The following PDE1A variants were observed in gnomAD, a reference collection of about 807,000 sequenced individuals.
The protein encoded by PDE1A is phosphodiesterase 1A, also known as dual specificity calcium/calmodulin-dependent 3',5'-cyclic nucleotide phosphodiesterase 1A.
PDE1A carries 35 observed loss-of-function variants against 61.7 expected under a neutral mutation model. The observed-to-expected ratio is 0.57, with a 90% CI of 0.43 to 0.75. PDE1A has a LOEUF of 0.75. PDE1A is among the 30% of genes least tolerant of loss of function. The pLI, the probability that PDE1A is intolerant of heterozygous loss-of-function variation, is 0.00. For synonymous variants in PDE1A, 232 were observed against 213.2 expected (o/e 1.09, Z -0.77); for missense variants, 597 against 630.6 (o/e 0.95, Z 0.57).
chr2:182,183,294 TCAAC>T (rs1427077963), intron 13 of PDE1A, among the ~76,000 whole-genome samples: 2 of 152,178 alleles, frequency 1.3e-5, no homozygotes, highest in Admixed American at 1.3e-4. Context: ...ACTCTGGAAA[TCAAC>T]CAAAGGGACA....
At chr2:182,586,164 A>G in the PDE1A span, among the ~76,000 whole-genome samples, 1 of 152,218 alleles carries the variant, frequency 6.6e-6, no homozygotes, top group Non-Finnish European at 1.5e-5. Flanking sequence ...TAAATAATCT[A>G]TAATATTCAA....
At chr2:182,623,830 T>C in the PDE1A span, among the ~76,000 whole-genome samples, 1 of 152,016 alleles carries the variant, frequency 6.6e-6, no homozygotes, top group Admixed American at 6.6e-5. Context: ...ACAAACCCTT[T>C]AGATAAGAAG....
chr2:182,609,324 C>T, the PDE1A span, among the ~76,000 whole-genome samples: 899 of 152,310 alleles, frequency 5.9e-3, 12 homozygotes, highest in Middle Eastern at 0.014. Context: ...GCAGGATGTG[C>T]GTGGCACCAG....
intron 2 of PDE1A, among the ~76,000 whole-genome samples, chr2:182,454,647 T>C (rs1232753448): frequency 2.6e-5 from 4 of 151,498 alleles, no homozygotes; most frequent in Non-Finnish European, 5.9e-5. Context: ...TTGACAAACC[T>C]GACAAAAACA....
At chr2:182,628,134 T>A in the PDE1A span, among the ~76,000 whole-genome samples, 1 of 152,140 alleles carries the variant, frequency 6.6e-6, no homozygotes, top group Non-Finnish European at 1.5e-5. Flanking sequence ...ACTAACTGAC[T>A]TCAGAGGACT....
chr2:182,562,210 T>C, the PDE1A span, among the ~76,000 whole-genome samples: 1 of 152,166 alleles, frequency 6.6e-6, no homozygotes, highest in Non-Finnish European at 1.5e-5. Flanking sequence ...ATAGCTCTTA[T>C]TATGTTGAGA....
chr2:182,174,988 T>C (rs1419622382), intron 13 of PDE1A, among the ~76,000 whole-genome samples: 3 of 152,124 alleles, frequency 2.0e-5, no homozygotes, highest in East Asian at 1.9e-4. Flanking sequence ...AGTAAGAACA[T>C]GTTGTATTTG....
intron 1 of PDE1A, among the ~76,000 whole-genome samples, chr2:182,327,308 G>C (rs1469731135): frequency 6.6e-6 from 1 of 152,114 alleles, no homozygotes; most frequent in Non-Finnish European, 1.5e-5. Context: ...CTGGAGTAGA[G>C]AATTGAGTGA....
At chr2:182,348,918 T>C (rs1252773915) in intron 1 of PDE1A, among the ~76,000 whole-genome samples, 1 of 152,096 alleles carries the variant, frequency 6.6e-6, no homozygotes, top group African/African-American at 2.4e-5. Flanking sequence ...GAAAAGGCTG[T>C]GTAAAGGAGG....
intron 1 of PDE1A, among the ~76,000 whole-genome samples, chr2:182,289,102 A>T (rs997248109): frequency 1.3e-5 from 2 of 151,402 alleles, no homozygotes; most frequent in African/African-American, 4.9e-5. Flanking sequence ...AATCTACATG[A>T]TTCCCGAAGT....
intron 13 of PDE1A, among the ~76,000 whole-genome samples, chr2:182,179,764 G>T (rs936605738): frequency 5.3e-5 from 8 of 152,144 alleles, no homozygotes; most frequent in African/African-American, 1.7e-4. Context: ...CTTTGTGCCA[G>T]TCTCTGTTCA....
At chr2:182,470,149 T>C (rs1280463485) in intron 2 of PDE1A, among the ~76,000 whole-genome samples, 2 of 151,926 alleles carry the variant, frequency 1.3e-5, no homozygotes, top group Non-Finnish European at 1.5e-5. Context: ...TAACTTTTAA[T>C]TTATAAAAAG....
At chr2:182,268,892 T>C (rs945610365) in intron 1 of PDE1A, among the ~76,000 whole-genome samples, 1 of 152,098 alleles carries the variant, frequency 6.6e-6, no homozygotes, top group African/African-American at 2.4e-5. Flanking sequence ...TTCATATAAT[T>C]TCAACTTTTT....
intron 2 of PDE1A, among the ~76,000 whole-genome samples, chr2:182,436,937 G>A (rs1459794991): frequency 6.6e-6 from 1 of 151,700 alleles, no homozygotes; most frequent in Non-Finnish European, 1.5e-5. Context: ...AAAGCACCTT[G>A]GCCAACCATA....
chr2:182,462,265 T>C (rs1363816460), intron 2 of PDE1A, among the ~76,000 whole-genome samples: 1 of 151,794 alleles, frequency 6.6e-6, no homozygotes, highest in East Asian at 1.9e-4. Flanking sequence ...GTAACAAACC[T>C]GCACGTTGTG....
chr2:182,228,036 G>C (rs1264666646), intron 6 of PDE1A, among the ~76,000 whole-genome samples: 3 of 152,114 alleles, frequency 2.0e-5, no homozygotes, highest in Non-Finnish European at 4.4e-5. Context: ...TTCTGGCCAA[G>C]GCCCTTGTAT....
chr2:182,252,717 C>T (rs1357631355), intron 2 of PDE1A, among the ~76,000 whole-genome samples: 1 of 152,080 alleles, frequency 6.6e-6, no homozygotes, highest in African/African-American at 2.4e-5. Flanking sequence ...AGCTGAATGC[C>T]CCACCCTATC....
chr2:182,271,274 A>C (rs1693002568), intron 1 of PDE1A, among the ~76,000 whole-genome samples: 1 of 152,070 alleles, frequency 6.6e-6, no homozygotes, highest in African/African-American at 2.4e-5. Flanking sequence ...ATGTATATAA[A>C]ACATCATGTT....
At chr2:182,240,766 C>T (rs1183908398) in intron 2 of PDE1A, among the ~76,000 whole-genome samples, 1 of 152,062 alleles carries the variant, frequency 6.6e-6, no homozygotes, top group Non-Finnish European at 1.5e-5. Flanking sequence ...TTGAATTAGG[C>T]TTTGCAATTT....
Sources: gnomAD v4.1 joint callset for allele counts (sites outside exome capture counted in the v4.1 genomes callset) on GRCh38, gnomAD v4.1.1 for gene constraint, MANE v1.5 for transcripts, NCBI Gene and HGNC (gene_info 2026-07-23, HGNC 2026-07-21) for gene names.